Variants in DMD observed in about 807,000 individuals in gnomAD.
The protein encoded by DMD is mutant dystrophin.
A neutral mutation model predicts 330.1 loss-of-function variants in DMD; 63 were observed. That is an observed-to-expected ratio of 0.19 (90% CI 0.16 to 0.24). The LOEUF is 0.24. DMD is among the 10% of genes least tolerant of loss of function. The probability of loss-of-function intolerance (pLI) is 1.00; values close to 1 mark genes in which losing one functional copy is unlikely to be tolerated. For synonymous variants in DMD, 1,223 were observed against 959.8 expected (o/e 1.27, Z -5.07); for missense variants, 3,344 against 2,684.1 (o/e 1.25, Z -5.43).
At chrX:31,358,705 T>C (rs1442383016) in intron 60 of DMD, among the ~76,000 whole-genome samples, 5 of 112,712 alleles carry the variant, frequency 4.4e-5, no homozygotes, top group African/African-American at 9.7e-5. Context: ...TTCCCATATT[T>C]TCCATAAGAG....
At chrX:31,297,928 T>C (rs988063293) in intron 62 of DMD, among the ~76,000 whole-genome samples, 3 of 112,323 alleles carry the variant, frequency 2.7e-5, no homozygotes, top group Non-Finnish European at 5.6e-5. Flanking sequence ...TTACAGCCCA[T>C]TGGCTGAGTA....
chrX:32,030,911 G>A (rs184326244), intron 44 of DMD, among the ~76,000 whole-genome samples: 1 of 111,566 alleles, frequency 9.0e-6, no homozygotes, highest in Non-Finnish European at 1.9e-5. Flanking sequence ...AATTTAAACA[G>A]GCAGTTTAAT....
intron 44 of DMD, among the ~76,000 whole-genome samples, chrX:32,163,128 C>T (rs2096856210): frequency 9.0e-6 from 1 of 111,386 alleles, no homozygotes; most frequent in Non-Finnish European, 1.9e-5. Context: ...ACCATTTTCT[C>T]AATTCTATTC....
At chrX:33,285,487 T>C (rs992890000) in intron 1 of DMD, among the ~76,000 whole-genome samples, 1 of 112,026 alleles carries the variant, frequency 8.9e-6, no homozygotes, top group Non-Finnish European at 1.9e-5. Flanking sequence ...GAGGATCAAA[T>C]AATATAACTC....
chrX:32,867,377 T>G (rs2082597308), intron 2 of DMD, among the ~76,000 whole-genome samples: 1 of 112,032 alleles, frequency 8.9e-6, no homozygotes, highest in Non-Finnish European at 1.9e-5. Flanking sequence ...TCTAGAAAAA[T>G]GCATTTTAAA....
At chrX:32,809,949 AAG>A (rs2077246766) in intron 6 of DMD, among the ~76,000 whole-genome samples, 2 of 82,632 alleles carry the variant, frequency 2.4e-5, no homozygotes, top group Non-Finnish European at 5.0e-5. Context: ...AAAAAAAAGA[AAG>A]AAAGAAAGAA....
At chrX:32,782,338 C>G (rs943438273) in intron 7 of DMD, among the ~76,000 whole-genome samples, 5 of 111,526 alleles carry the variant, frequency 4.5e-5, no homozygotes, top group African/African-American at 1.6e-4. Flanking sequence ...TATGCAGTAA[C>G]AGAGACACAT....
chrX:33,127,283 A>T (rs2095470816), intron 1 of DMD, among the ~76,000 whole-genome samples: 3 of 111,623 alleles, frequency 2.7e-5, no homozygotes, highest in Non-Finnish European at 5.6e-5. Flanking sequence ...ATATACTTCA[A>T]ATATACTGAC....
intron 18 of DMD, among the ~76,000 whole-genome samples, chrX:32,509,001 G>A (rs969718013): frequency 2.8e-5 from 3 of 108,446 alleles, no homozygotes; most frequent in South Asian, 4.1e-4. Context: ...TAGTAGAGAC[G>A]AGGCTTCATG....
chrX:32,530,232 C>G (rs190116844), intron 17 of DMD, among the ~76,000 whole-genome samples: 2 of 111,966 alleles, frequency 1.8e-5, no homozygotes, highest in Admixed American at 1.9e-4. Context: ...AAAATACATG[C>G]CCTTGCATAC....
intron 55 of DMD, among the ~76,000 whole-genome samples, chrX:31,569,783 A>T (rs762491632): frequency 9.3e-6 from 1 of 107,895 alleles, no homozygotes; most frequent in Non-Finnish European, 1.9e-5. Context: ...TATTCATTTT[A>T]TATTTTTATG....
chrX:32,978,938 A>G (rs2092628772), intron 2 of DMD, among the ~76,000 whole-genome samples: 1 of 112,327 alleles, frequency 8.9e-6, no homozygotes, highest in South Asian at 3.7e-4. Context: ...AATCTCACAT[A>G]AAGAAGACTT....
chrX:31,771,278 G>A, intron 51 of DMD, among the ~76,000 whole-genome samples: 2 of 110,018 alleles, frequency 1.8e-5, no homozygotes, highest in East Asian at 5.7e-4. Flanking sequence ...ATGTCTTTAA[G>A]AATTATTTTT....
chrX:32,386,148 A>T (rs750939210), intron 33 of DMD, among the ~76,000 whole-genome samples, 162 bp downstream of exon 33: 1 of 110,700 alleles, frequency 9.0e-6, no homozygotes, highest in East Asian at 2.8e-4. Flanking sequence ...GTACATATAT[A>T]TATATACGTA....
At chrX:33,306,075 T>C (rs2053758396) in intron 1 of DMD, among the ~76,000 whole-genome samples, 1 of 111,860 alleles carries the variant, frequency 8.9e-6, no homozygotes, top group South Asian at 3.7e-4. Context: ...TGGATAGGTA[T>C]TTCTGACTGG....
intron 7 of DMD, among the ~76,000 whole-genome samples, chrX:32,732,626 G>T (rs1187410667): frequency 9.0e-6 from 1 of 111,098 alleles, no homozygotes; most frequent in Non-Finnish European, 1.9e-5. Flanking sequence ...TTAAAGAAAA[G>T]AATTTTCAAC....
intron 2 of DMD, among the ~76,000 whole-genome samples, chrX:32,939,259 T>C (rs2090233049): frequency 9.6e-6 from 1 of 104,665 alleles, no homozygotes; most frequent in African/African-American, 3.5e-5. Flanking sequence ...TGTATATATA[T>C]GTGTATATAC....
At chrX:31,318,189 GA>G (rs1482643269) in intron 62 of DMD, among the ~76,000 whole-genome samples, 2 of 112,028 alleles carry the variant, frequency 1.8e-5, no homozygotes, top group Non-Finnish European at 3.8e-5. Context: ...GTGGTGTCAA[GA>G]TTCAGATGCT....
At chrX:33,103,532 TC>T (rs2095258954) in intron 1 of DMD, among the ~76,000 whole-genome samples, 1 of 110,685 alleles carries the variant, frequency 9.0e-6, no homozygotes, top group Non-Finnish European at 1.9e-5. Context: ...TGACCCCCAC[TC>T]CTGCCCACCA....
Sources: gnomAD v4.1 joint callset for allele counts (sites outside exome capture counted in the v4.1 genomes callset) on GRCh38, gnomAD v4.1.1 for gene constraint, MANE v1.5 for transcripts, NCBI Gene and HGNC (gene_info 2026-07-23, HGNC 2026-07-21) for gene names.